Variants in TNNI3K observed in about 807,000 individuals in gnomAD.
TNNI3K encodes the protein TNNI3 interacting kinase.
TNNI3K carries 140 observed loss-of-function variants against 114.5 expected under a neutral mutation model. That is an observed-to-expected ratio of 1.22 (90% CI 1.07 to 1.41). The LOEUF (loss-of-function observed/expected upper bound fraction) is 1.41, where lower values mean the gene tolerates loss of function less well. Ranked by LOEUF, TNNI3K falls within the 40% of genes most tolerant of loss-of-function variation. TNNI3K has a pLI of 0.00. For synonymous variants in TNNI3K, 347 were observed against 347.5 expected, an observed-to-expected ratio of 1.00 and a Z score of 0.02; for missense variants, 1,125 against 1,007.6, an observed-to-expected ratio of 1.12 and a Z score of -1.58.
intron 21 of TNNI3K, among the ~76,000 whole-genome samples, chr1:74,467,533 G>A (rs1440542116): frequency 6.6e-6 from 1 of 151,520 alleles, no homozygotes; most frequent in Non-Finnish European, 1.5e-5. Context: ...GACAGATTTT[G>A]GAAACTGGAA....
chr1:74,309,990 A>G (rs192767509), intron 5 of TNNI3K, among the ~76,000 whole-genome samples: 1 of 152,304 alleles, frequency 6.6e-6, no homozygotes, highest in Admixed American at 6.5e-5. Flanking sequence ...AATAAAAGGC[A>G]TCTAAATGGG....
intron 5 of TNNI3K, among the ~76,000 whole-genome samples, chr1:74,273,460 T>C (rs1656479906): frequency 6.6e-6 from 1 of 152,018 alleles, no homozygotes. Flanking sequence ...AGACACTAAC[T>C]TCTAGTAAAA....
chr1:74,371,096 G>A (rs1251347701), intron 17 of TNNI3K: 1 of 151,786 alleles, frequency 6.6e-6, no homozygotes, highest in Non-Finnish European at 1.5e-5. Context: ...AGAATAGTTG[G>A]ACAAACACTG....
chr1:74,484,020 G>A (rs1035322090), intron 21 of TNNI3K, among the ~76,000 whole-genome samples: 4 of 151,812 alleles, frequency 2.6e-5, no homozygotes, highest in African/African-American at 9.7e-5. Context: ...GCTTTTTCAT[G>A]TGTAAAATAG....
intron 4 of TNNI3K, among the ~76,000 whole-genome samples, chr1:74,253,884 A>T (rs1655116578): frequency 6.6e-6 from 1 of 152,212 alleles, no homozygotes; most frequent in African/African-American, 2.4e-5. Flanking sequence ...CGAGGGCTGC[A>T]AGAGCTGCCA....
At chr1:74,484,212 TAA>T (rs36109808) in intron 21 of TNNI3K, among the ~76,000 whole-genome samples, 10 of 144,678 alleles carry the variant, frequency 6.9e-5, no homozygotes, top group African/African-American at 2.3e-4. Context: ...CCTGGTTGAT[TAA>T]AAAAAAAAAA....
intron 17 of TNNI3K, chr1:74,378,594 T>TTATATATATATATATA (rs58113455): frequency 1.3e-5 from 1 of 77,914 alleles, no homozygotes; most frequent in African/African-American, 4.4e-5. Context: ...CAGTTTAATT[T>TTATATATATATATATA]TATATATATA....
chr1:74,409,612 A>G lies in TNNI3K; in HGVS notation c.1773-26468A>G, dbSNP rs542567045. 4.2e-3 allele frequency among the ~76,000 whole-genome samples: 609 copies of G among 145,314 alleles called. 3 individuals carry two copies. Among genetic ancestry groups the G allele is most frequent in the Non-Finnish European group, 5.3e-3 (350 of 66,174 alleles). The stretch of plus-strand genomic sequence containing the variant: ...GGGTTCAAGTGATTCTCCTGCCTCA[A>G]CCTCCCGAGTAGCTAGGATTACAGG... On this transcript the variant is annotated intron_variant, in intron 17 of 24. Transcript: ENST00000326637.
chr1:74,361,955 C>T (rs1661991658), intron 11 of TNNI3K, among the ~76,000 whole-genome samples: 1 of 152,098 alleles, frequency 6.6e-6, no homozygotes, highest in Non-Finnish European at 1.5e-5. Flanking sequence ...CCAGTGACAT[C>T]CTTACTGGGG....
intron 5 of TNNI3K, among the ~76,000 whole-genome samples, chr1:74,291,667 A>G (rs915383105): frequency 6.6e-6 from 1 of 151,580 alleles, no homozygotes; most frequent in African/African-American, 2.4e-5. Context: ...GTTACAGATG[A>G]GTATGCTACA....
intron 2 of TNNI3K, among the ~76,000 whole-genome samples, chr1:74,244,946 G>C (rs1270197614): frequency 2.0e-5 from 3 of 151,918 alleles, no homozygotes; most frequent in Non-Finnish European, 4.4e-5. Context: ...TTAAAAGTTC[G>C]AGAGATCAAG....
At chr1:74,517,512 G>A (rs1449195076) in intron 23 of TNNI3K, among the ~76,000 whole-genome samples, 1 of 152,180 alleles carries the variant, frequency 6.6e-6, no homozygotes, top group Non-Finnish European at 1.5e-5. Context: ...AAAGCATTTA[G>A]AATCAGAGCA....
chr1:74,380,545 CAAATGCTTTCCTGT>C (rs1663150597), intron 17 of TNNI3K, among the ~76,000 whole-genome samples: 1 of 152,154 alleles, frequency 6.6e-6, no homozygotes, highest in African/African-American at 2.4e-5. Flanking sequence ...TAAAACCTTT[CAAATGCTTTCCTGT>C]AACTGGTGGT....
intron 23 of TNNI3K, among the ~76,000 whole-genome samples, chr1:74,503,619 A>G (rs770179869): frequency 5.3e-5 from 8 of 152,166 alleles, no homozygotes; most frequent in Non-Finnish European, 1.2e-4. Context: ...CTGAGACGTA[A>G]AATTTTTATG....
intron 5 of TNNI3K, among the ~76,000 whole-genome samples, chr1:74,320,082 T>C (rs1396745318): frequency 6.6e-6 from 1 of 152,170 alleles, no homozygotes; most frequent in Non-Finnish European, 1.5e-5. Flanking sequence ...CCAAAACTAC[T>C]TGGGCGCGTG....
chr1:74,275,524 CAA>C (rs1656629283), intron 5 of TNNI3K, among the ~76,000 whole-genome samples: 1 of 151,878 alleles, frequency 6.6e-6, no homozygotes, highest in Admixed American at 6.6e-5. Context: ...AATGTGGACT[CAA>C]AGAGTTAGGG....
intron 17 of TNNI3K, among the ~76,000 whole-genome samples, chr1:74,383,725 G>A (rs1663324295): frequency 6.6e-6 from 1 of 151,970 alleles, no homozygotes; most frequent in African/African-American, 2.4e-5. Context: ...ATTAATATTT[G>A]TCAGATGAAT....
At chr1:74,395,373 G>T (rs1474977429) in intron 17 of TNNI3K, among the ~76,000 whole-genome samples, 3 of 152,244 alleles carry the variant, frequency 2.0e-5, no homozygotes, top group Admixed American at 6.5e-5. Flanking sequence ...CCAGCCGAGA[G>T]GGGAGATGCA....
chr1:74,342,492 G>A (rs1446913197), intron 7 of TNNI3K, among the ~76,000 whole-genome samples: 2 of 152,068 alleles, frequency 1.3e-5, no homozygotes, highest in Non-Finnish European at 2.9e-5. Context: ...ACATCATTCA[G>A]ATAGAAAAAC....
Sources: gnomAD v4.1 joint callset for allele counts (sites outside exome capture counted in the v4.1 genomes callset) on GRCh38, gnomAD v4.1.1 for gene constraint, MANE v1.5 for transcripts, NCBI Gene and HGNC (gene_info 2026-07-23, HGNC 2026-07-21) for gene names.